Variants in ZFHX3 observed in about 807,000 individuals in gnomAD.
ZFHX3 encodes zinc finger homeobox 3, also known as zinc finger homeobox protein 3.
A neutral mutation model predicts 279.1 loss-of-function variants in ZFHX3; 42 were observed. The observed-to-expected ratio is 0.15, with a 90% CI of 0.12 to 0.19. The LOEUF is 0.19. ZFHX3 is among the 10% of genes least tolerant of loss of function. The pLI is 1.00. For missense variants in ZFHX3, 4,981 were observed against 4,754.0 expected (o/e 1.05, Z -1.40); for synonymous variants, 2,293 against 1,957.8 (o/e 1.17, Z -4.52).
At chr16:72,878,611 C>T (rs1377256494) in intron 4 of ZFHX3, among the ~76,000 whole-genome samples, 1 of 152,214 alleles carries the variant, frequency 6.6e-6, no homozygotes, top group East Asian at 1.9e-4. Flanking sequence ...CTTAGGATTT[C>T]TTCATTTCTA....
chr16:73,385,185 T>C (rs145785661), intron 3 of ZFHX3, among the ~76,000 whole-genome samples: 42 of 152,274 alleles, frequency 2.8e-4, no homozygotes, highest in African/African-American at 1.0e-3. Context: ...AGCCACAGGA[T>C]GTTCCCATGG....
At chr16:73,623,629 T>C (rs1450702864) in intron 2 of ZFHX3, among the ~76,000 whole-genome samples, 1 of 152,250 alleles carries the variant, frequency 6.6e-6, no homozygotes, top group Non-Finnish European at 1.5e-5. Flanking sequence ...CTCCAGGGTT[T>C]ACATCAAATG....
intron 1 of ZFHX3, among the ~76,000 whole-genome samples, chr16:73,883,814 C>T (rs2030257855): frequency 6.6e-6 from 1 of 152,020 alleles, no homozygotes; most frequent in Admixed American, 6.6e-5. Context: ...GTGGTCAAGT[C>T]AAGGGTGCCT....
At chr16:72,882,659 ACAG>A (rs988721103) in intron 4 of ZFHX3, among the ~76,000 whole-genome samples, 1 of 152,164 alleles carries the variant, frequency 6.6e-6, no homozygotes, top group Non-Finnish European at 1.5e-5. Context: ...GCAGCGTCTG[ACAG>A]CAGTGAAACA....
At chr16:72,968,939 C>T (rs1961976035) in intron 1 of ZFHX3, among the ~76,000 whole-genome samples, 1 of 151,960 alleles carries the variant, frequency 6.6e-6, no homozygotes, top group East Asian at 1.9e-4. Flanking sequence ...TACATACATA[C>T]ACATACACAT....
chr16:73,341,511 T>C (rs1296067890), intron 3 of ZFHX3, among the ~76,000 whole-genome samples: 1 of 152,204 alleles, frequency 6.6e-6, no homozygotes, highest in Non-Finnish European at 1.5e-5. Flanking sequence ...AACAGTTTGA[T>C]GGTTCCTCAA....
At chr16:73,652,106 A>G (rs753711374) in intron 2 of ZFHX3, among the ~76,000 whole-genome samples, 16 of 152,056 alleles carry the variant, frequency 1.1e-4, no homozygotes, top group Non-Finnish European at 7.4e-5. Context: ...AGAAGATGTG[A>G]AAAGATGTAT....
At chr16:73,594,507 A>G (rs2052028935) in intron 2 of ZFHX3, among the ~76,000 whole-genome samples, 1 of 152,238 alleles carries the variant, frequency 6.6e-6, no homozygotes, top group Admixed American at 6.5e-5. Context: ...CTGGGAGGTG[A>G]TAAGACTTAT....
At chr16:73,571,106 T>TG (rs1175228223) in intron 2 of ZFHX3, among the ~76,000 whole-genome samples, 1 of 152,120 alleles carries the variant, frequency 6.6e-6, no homozygotes, top group East Asian at 1.9e-4. Context: ...AAATGGGAAA[T>TG]GGTAACAGCA....
chr16:73,027,025 A>G (rs8061850), intron 1 of ZFHX3, among the ~76,000 whole-genome samples: 2,686 of 152,364 alleles, frequency 0.018, 73 homozygotes, highest in African/African-American at 0.059. Context: ...TGATAGCATG[A>G]AAGTGGTCAC....
intron 2 of ZFHX3, among the ~76,000 whole-genome samples, chr16:73,588,897 G>A (rs1030707333): frequency 6.6e-6 from 1 of 151,966 alleles, no homozygotes; most frequent in African/African-American, 2.4e-5. Flanking sequence ...GAGACAGAGA[G>A]ACAGAGACAG....
chr16:72,872,715 T>G (rs1405433961), intron 4 of ZFHX3, among the ~76,000 whole-genome samples: 1 of 152,200 alleles, frequency 6.6e-6, no homozygotes, highest in Non-Finnish European at 1.5e-5. Context: ...CGCCTCGGCC[T>G]CACAAAGTGC....
chr16:73,007,521 A>G (rs1312267355), intron 1 of ZFHX3, among the ~76,000 whole-genome samples: 1 of 152,064 alleles, frequency 6.6e-6, no homozygotes, highest in Non-Finnish European at 1.5e-5. Context: ...ATCTCGGCTC[A>G]CTACAATCTC....
Position 73,860,965 on chromosome 16 carries a change from G to T in ZFHX3, c.-1608+30686C>A, listed in dbSNP as rs575825245. ...TAGGTTCTATGATGGAAATAACACT[G>T]CTTGTATATTTTTTGCAGATTTTTT... On this transcript the variant is annotated intron_variant, in intron 1 of 17. Coordinates refer to the ZFHX3 transcript ENST00000641206. Among the ~76,000 whole-genome samples, 6 of 151,090 alleles carry T rather than the reference G, an allele frequency of 4.0e-5. No homozygotes were observed. The South Asian group carries it at 1.0e-3, about 26-fold the overall frequency.
intron 3 of ZFHX3, among the ~76,000 whole-genome samples, chr16:73,384,145 T>A (rs2016860044): frequency 6.6e-6 from 1 of 152,240 alleles, no homozygotes; most frequent in South Asian, 2.1e-4. Flanking sequence ...GGCCAGGAAT[T>A]GGCAAACTGC....
intron 1 of ZFHX3, among the ~76,000 whole-genome samples, chr16:72,991,900 G>C (rs1319270089): frequency 2.0e-5 from 3 of 152,320 alleles, no homozygotes; most frequent in Admixed American, 2.0e-4. Context: ...CAACCAGCAC[G>C]AGCCTGTGAT....
intron 5 of ZFHX3, among the ~76,000 whole-genome samples, chr16:73,253,224 G>C (rs2013561946): frequency 1.3e-5 from 2 of 152,150 alleles, no homozygotes. Flanking sequence ...TACAGATACG[G>C]AGCAGGGAGG....
intron 2 of ZFHX3, among the ~76,000 whole-genome samples, chr16:73,572,168 TA>T (rs36024411): frequency 0.074 from 10,437 of 140,226 alleles, 634 homozygotes; most frequent in African/African-American, 0.18. Flanking sequence ...TAAATATTCT[TA>T]AAAAAAAAAA....
At chr16:73,728,904 G>C (rs984910452) in intron 1 of ZFHX3, among the ~76,000 whole-genome samples, 1 of 151,514 alleles carries the variant, frequency 6.6e-6, no homozygotes, top group Non-Finnish European at 1.5e-5. Context: ...AGGAGCTGTT[G>C]GTTCCTTTAC....
Sources: allele counts gnomAD v4.1 joint callset (sites outside exome capture counted in the v4.1 genomes callset), GRCh38; gene constraint gnomAD v4.1.1; transcripts MANE v1.5; gene names NCBI Gene and HGNC (gene_info 2026-07-23, HGNC 2026-07-21).